The following DIP2C variants were observed in gnomAD, a reference collection of about 807,000 sequenced individuals.
The protein encoded by DIP2C is disco-interacting protein 2 homolog C.
In DIP2C, 33 loss-of-function variants were observed where a neutral mutation model predicts 192.4. That is an observed-to-expected ratio of 0.17 (90% CI 0.13 to 0.23). DIP2C has a LOEUF of 0.23. Among genes scored for constraint, DIP2C ranks in the 10% least tolerant of loss-of-function variants. The pLI is 1.00. For synonymous variants in DIP2C, 979 were observed against 864.1 expected (o/e 1.13, Z -2.33); for missense variants, 1,537 against 2,110.1 (o/e 0.73, Z 5.32).
chr10:594,538 C>T (rs923504628), intron 1 of DIP2C, among the ~76,000 whole-genome samples: 1 of 152,164 alleles, frequency 6.6e-6, no homozygotes, highest in African/African-American at 2.4e-5. Flanking sequence ...GAGTACAGAC[C>T]ATTTCAACGT....
At chr10:653,715 G>A (rs1377882344) in intron 1 of DIP2C, among the ~76,000 whole-genome samples, 1 of 152,172 alleles carries the variant, frequency 6.6e-6, no homozygotes, top group African/African-American at 2.4e-5. Context: ...CACCAGGGTG[G>A]GGAACAGACG....
intron 1 of DIP2C, among the ~76,000 whole-genome samples, chr10:678,556 G>GCTCCCCGCA (rs1830958088): frequency 7.2e-6 from 1 of 137,980 alleles, no homozygotes; most frequent in African/African-American, 2.9e-5. Flanking sequence ...TGCTCCCCAT[G>GCTCCCCGCA]CCCATGCTCC....
chr10:472,189 G>A (rs932790861), intron 3 of DIP2C, among the ~76,000 whole-genome samples: 10 of 152,162 alleles, frequency 6.6e-5, no homozygotes, highest in African/African-American at 1.2e-4. Context: ...AATTTGGCAC[G>A]AGATTATAAT....
At chr10:507,822 G>C (rs1845726970) in intron 1 of DIP2C, among the ~76,000 whole-genome samples, 1 of 152,208 alleles carries the variant, frequency 6.6e-6, no homozygotes, top group South Asian at 2.1e-4. Flanking sequence ...AGAGGCTGCA[G>C]ACAATCTCTG....
intron 9 of DIP2C, among the ~76,000 whole-genome samples, chr10:403,842 G>A (rs1279038517): frequency 1.0e-4 from 11 of 106,986 alleles, no homozygotes; most frequent in East Asian, 7.2e-4. Flanking sequence ...CATGAATCCT[G>A]TGATTTTACA....
intron 28 of DIP2C, among the ~76,000 whole-genome samples, chr10:343,696 A>C (rs546344837): frequency 5.2e-4 from 79 of 152,302 alleles, no homozygotes; most frequent in African/African-American, 1.8e-3. Context: ...CCTGCCTCCT[A>C]AAATTACCCA....
chr10:283,584 T>A, intron 34 of DIP2C, 138 bp from the exon 35 acceptor site: 1 of 1,117,040 alleles, frequency 9.0e-7, no homozygotes, highest in African/African-American at 1.6e-5. Flanking sequence ...CAAGATGATG[T>A]TAATCTCATT....
intron 5 of DIP2C, 71 bp downstream of exon 5, chr10:422,753 C>T: frequency 1.3e-6 from 2 of 1,520,024 alleles, no homozygotes; most frequent in Non-Finnish European, 1.8e-6. Context: ...TGCAACGATG[C>T]AAACAGAGAA....
At chr10:344,399 CGGG>C (rs10534838) in intron 28 of DIP2C, among the ~76,000 whole-genome samples, 1 of 118,290 alleles carries the variant, frequency 8.5e-6, no homozygotes, top group Non-Finnish European at 1.8e-5. Context: ...GGGGGCGGGG[CGGG>C]GGGGGGTTTG....
chr10:591,263 T>TACAG (rs1851387335), intron 1 of DIP2C, among the ~76,000 whole-genome samples: 1 of 152,102 alleles, frequency 6.6e-6, no homozygotes, highest in Non-Finnish European at 1.5e-5. Flanking sequence ...TAGCTGGGAT[T>TACAG]ACAGGTGCCC....
intron 4 of DIP2C, chr10:430,449 T>TCC (rs1249387385): frequency 6.6e-6 from 1 of 152,208 alleles, no homozygotes; most frequent in East Asian, 1.9e-4. Context: ...CAAGTGATCC[T>TCC]CCCGCCTTAG....
At chr10:449,231 C>G (rs1445789914) in intron 3 of DIP2C, among the ~76,000 whole-genome samples, 2 of 152,210 alleles carry the variant, frequency 1.3e-5, no homozygotes, top group African/African-American at 4.8e-5. Flanking sequence ...CGTCGATACT[C>G]AGCGGCATCC....
rs1037009876 is a variant in DIP2C at position 666,178 on chromosome 10, T to G, written c.85+23316A>C. 6.6e-6 allele frequency: 1 copy of G among 152,194 alleles called. No homozygotes were observed. The highest frequency in any genetic ancestry group is 6.5e-5 in the Admixed American group (1 of 15,280). 9.4% of individuals were successfully genotyped at this position (152,194 alleles called of 1,614,324 possible). On this transcript the variant is annotated intron_variant, in intron 1 of 36. Coordinates refer to ENST00000280886, the MANE Select transcript of DIP2C (RefSeq NM_014974.3). The surrounding 1 kb of genome is among the most constrained non-coding windows in gnomAD (Gnocchi z 4.1). ...ACATATGTAATTGTGAGTTTTTGTT[T>G]TCTCCGAACTGGCCTTATTATTATT... is the stretch of plus-strand genomic sequence containing the variant.
intron 2 of DIP2C, among the ~76,000 whole-genome samples, chr10:485,144 G>A (rs899751665): frequency 2.0e-5 from 3 of 152,230 alleles, no homozygotes; most frequent in Admixed American, 6.5e-5. Flanking sequence ...GAACCGTCCT[G>A]GCAAGCGAGG....
chr10:478,986 CCA>C (rs1240191369), intron 2 of DIP2C, among the ~76,000 whole-genome samples: 2 of 152,174 alleles, frequency 1.3e-5, no homozygotes, highest in Admixed American at 6.6e-5. Flanking sequence ...GCTCTGGGCT[CCA>C]CAGAGGCCTC....
chr10:333,056 C>T lies in DIP2C; in HGVS notation c.3585-3455G>A, dbSNP rs537561965. Among the ~76,000 whole-genome samples the T allele has an allele frequency of 6.8e-4, 104 of 152,314 alleles. 1 individual carries two copies. The highest frequency in any genetic ancestry group is 2.4e-3 in the African/African-American group (101 of 41,562). ...TAGCTGGGATGACAGGCGTGTGCCA[C>T]CACGCCAGGCTAATTTTTGTATTTT... On this transcript the variant is annotated intron_variant, in intron 29 of 36. Transcript: ENST00000280886.
intron 1 of DIP2C, among the ~76,000 whole-genome samples, chr10:672,151 C>T: frequency 6.7e-6 from 1 of 149,382 alleles, no homozygotes; most frequent in Non-Finnish European, 1.5e-5. Flanking sequence ...ACGGAGGAAA[C>T]AGGCCACAGA....
At chr10:559,547 T>C (rs1462975782) in intron 1 of DIP2C, among the ~76,000 whole-genome samples, 2 of 152,178 alleles carry the variant, frequency 1.3e-5, no homozygotes, top group Non-Finnish European at 2.9e-5. Flanking sequence ...TGACAGCACC[T>C]CAGAGCAGAT....
chr10:491,305 T>C (rs1244874055), intron 1 of DIP2C, among the ~76,000 whole-genome samples: 1 of 152,254 alleles, frequency 6.6e-6, no homozygotes, highest in Admixed American at 6.5e-5. Context: ...GTCAGGAGAC[T>C]ATTTAATGCT....
Sources: gnomAD v4.1 joint callset for allele counts (sites outside exome capture counted in the v4.1 genomes callset) on GRCh38, gnomAD v4.1.1 for gene constraint, Gnocchi (gnomAD v3.1) non-coding constraint, MANE v1.5 for transcripts, NCBI Gene and HGNC (gene_info 2026-07-23, HGNC 2026-07-21) for gene names.